The following NCKAP5 variants were observed in gnomAD, a reference collection of about 807,000 sequenced individuals.
NCKAP5 encodes the protein NCK associated protein 5, also known as nck-associated protein 5.
A neutral mutation model predicts 167.0 loss-of-function variants in NCKAP5; 92 were observed. That is an observed-to-expected ratio of 0.55 (90% CI 0.47 to 0.66). The LOEUF (loss-of-function observed/expected upper bound fraction) is 0.66, where lower values mean the gene tolerates loss of function less well. NCKAP5 is among the 30% of genes least tolerant of loss of function. The probability of loss-of-function intolerance (pLI) is 0.00; values close to 1 mark genes in which losing one functional copy is unlikely to be tolerated. For missense variants in NCKAP5, 2,378 were observed against 2,315.0 expected (o/e 1.03, Z -0.56); for synonymous variants, 891 against 877.4 (o/e 1.02, Z -0.27).
At chr2:132,897,310 A>T (rs1693281686) in intron 8 of NCKAP5, among the ~76,000 whole-genome samples, 1 of 152,210 alleles carries the variant, frequency 6.6e-6, no homozygotes, top group Non-Finnish European at 1.5e-5. Flanking sequence ...ACAAACATGG[A>T]TGAAATGTCA....
Position 132,800,550 on chromosome 2 carries a change from C to T in NCKAP5, c.808-3821G>A, listed in dbSNP as rs146049134. Among the ~76,000 whole-genome samples the T allele has an allele frequency of 8.4e-3, 1,276 of 152,248 alleles. 13 individuals carry two copies. The highest frequency in any genetic ancestry group is 0.014 in the Non-Finnish European group (924 of 68,024). ...CTTTTTACTCATATGCTTCCTTTGA[C>T]GGTGACAGTCTAACCCTCCCTGTCA... is the stretch of plus-strand genomic sequence containing the variant. On this transcript the variant is annotated intron_variant, in intron 11 of 19. Coordinates refer to ENST00000409261, the MANE Select transcript of NCKAP5 (RefSeq NM_207363.3).
intron 8 of NCKAP5, among the ~76,000 whole-genome samples, chr2:132,924,145 C>T (rs1481597720): frequency 6.6e-6 from 1 of 152,170 alleles, no homozygotes; most frequent in East Asian, 1.9e-4. Flanking sequence ...TGGGCAGAGG[C>T]TTTTACAGTC....
chr2:133,514,952 T>C (rs908844469), intron 3 of NCKAP5, among the ~76,000 whole-genome samples: 1 of 152,034 alleles, frequency 6.6e-6, no homozygotes, highest in Admixed American at 6.6e-5. Context: ...AAAGCATGCA[T>C]TGGGAATGAA....
At chr2:133,088,967 T>C (rs1392927146) in intron 6 of NCKAP5, among the ~76,000 whole-genome samples, 3 of 152,152 alleles carry the variant, frequency 2.0e-5, no homozygotes, top group African/African-American at 7.2e-5. Context: ...CAGACCAGAC[T>C]TATCTGTATA....
At chr2:132,897,298 A>C (rs1461999326) in intron 8 of NCKAP5, among the ~76,000 whole-genome samples, 2 of 152,228 alleles carry the variant, frequency 1.3e-5, no homozygotes, top group African/African-American at 4.8e-5. Context: ...AGTCTCATTA[A>C]GACAAACATG....
At chr2:133,133,511 A>G (rs889502370) in intron 5 of NCKAP5, among the ~76,000 whole-genome samples, 5 of 152,220 alleles carry the variant, frequency 3.3e-5, no homozygotes, top group African/African-American at 1.2e-4. Flanking sequence ...CTAAGCAGTG[A>G]CATTACATAC....
rs777037544 is a variant in NCKAP5, at chr2:132,782,868, G to T, written c.3943C>A (p.Gln1315Lys). The T allele has an allele frequency of 6.2e-7, 1 of 1,613,938 alleles. No homozygotes were observed. The highest frequency in any genetic ancestry group is 8.5e-7 in the Non-Finnish European group (1 of 1,179,884). ...GGAGAGCTTTCCGTGGAAGAGTTCT[G>T]CCGGGTAAGAGAATTGCCTCTCTCG... is the stretch of plus-strand genomic sequence containing the variant. ...TAERGNSLTR[Q>K]NSSTESSPNK... The change falls in exon 14 of 20, where the codon CAG becomes AAG. Residue 1315 changes from glutamine to lysine, a missense_variant. By Grantham distance (53) the Gln-to-Lys change is moderately conservative. This residue lies in a region of NCKAP5 where 1,325 missense variants were observed against 1,274.5 expected (regional missense o/e 1.04). Transcript: ENST00000409261.
chr2:133,105,880 C>T (rs956531668), intron 6 of NCKAP5, among the ~76,000 whole-genome samples: 5 of 152,118 alleles, frequency 3.3e-5, no homozygotes, highest in African/African-American at 1.2e-4. Context: ...TCTCCCTCTT[C>T]CTAACATGTT....
intron 3 of NCKAP5, among the ~76,000 whole-genome samples, chr2:133,351,679 C>T (rs1460089024): frequency 6.6e-6 from 1 of 152,134 alleles, no homozygotes; most frequent in Non-Finnish European, 1.5e-5. Context: ...GTGCCCCCAC[C>T]CCAGGACTTC....
intron 6 of NCKAP5, among the ~76,000 whole-genome samples, chr2:133,120,396 T>A (rs2082213802): frequency 6.6e-6 from 1 of 152,218 alleles, no homozygotes. Flanking sequence ...TGTTTACAGT[T>A]AGCACTTAGA....
rs372815701 is a variant in NCKAP5, at chr2:132,843,631, A to G, written c.807+16861T>C. 3.3e-5 allele frequency among the ~76,000 whole-genome samples: 5 copies of G among 151,768 alleles called. No individual in the cohort carries two copies. In the East Asian group the frequency reaches 9.7e-4, roughly 29 times the overall value. The stretch of plus-strand genomic sequence containing the variant: ...AAAAACTCCTATTCTCTAACCCAAT[A>G]TGGCAATCTCCAATGGCTTTTGACT... On this transcript the variant is annotated intron_variant, in intron 11 of 19. Coordinates refer to ENST00000409261, the MANE Select transcript of NCKAP5 (RefSeq NM_207363.3).
intron 16 of NCKAP5, among the ~76,000 whole-genome samples, chr2:132,732,501 G>A (rs1691124893): frequency 4.6e-5 from 7 of 152,158 alleles, no homozygotes; most frequent in Admixed American, 4.6e-4. Flanking sequence ...CCAGTGAGGT[G>A]CATGAAGTGG....
At position 132,773,875 on chromosome 2, in the gene NCKAP5, T is replaced by C. The variant is rs1237048214; in HGVS notation, c.5069A>G (p.Asn1690Ser). Reference protein sequence around the residue: ...KDSLVKEANENLQEDEDDAVA... With the variant: ...KDSLVKEANESLQEDEDDAVA... ...TGCATCGTCTTCATCCTCTTGCAAG[T>C]TTTCATTTGCCTCTTTTACCTGCAG... The change falls in exon 16 of 20, where the codon AAC becomes AGC. Residue 1690 changes from asparagine to serine, a missense_variant. Coordinates refer to ENST00000409261, the MANE Select transcript of NCKAP5 (RefSeq NM_207363.3). 1 of 1,610,450 alleles carries C rather than the reference T, an allele frequency of 6.2e-7. No homozygotes were observed. The highest frequency in any genetic ancestry group is 1.7e-5 in the Admixed American group (1 of 59,298).
intron 6 of NCKAP5, among the ~76,000 whole-genome samples, chr2:133,060,063 T>C (rs1350697840): frequency 6.6e-6 from 1 of 152,184 alleles, no homozygotes; most frequent in Admixed American, 6.5e-5. Context: ...AACAATGGGA[T>C]GCCAAGCTTA....
chr2:132,977,501 T>C (rs143459490), intron 7 of NCKAP5, among the ~76,000 whole-genome samples: 178 of 152,256 alleles, frequency 1.2e-3, no homozygotes, highest in African/African-American at 4.1e-3. Flanking sequence ...AATAGTTGTC[T>C]TCCCTAAGAC....
chr2:132,925,096 C>A (rs1483586117), intron 8 of NCKAP5, among the ~76,000 whole-genome samples: 1 of 151,984 alleles, frequency 6.6e-6, no homozygotes, highest in Non-Finnish European at 1.5e-5. Flanking sequence ...CACCAAGGAC[C>A]AGTTTCGTGG....
intron 3 of NCKAP5, among the ~76,000 whole-genome samples, chr2:133,415,586 C>G (rs1025816876): frequency 2.0e-5 from 3 of 152,240 alleles, no homozygotes; most frequent in African/African-American, 7.2e-5. Context: ...GGCTCTGGCT[C>G]TCACTTTGAA....
intron 4 of NCKAP5, among the ~76,000 whole-genome samples, chr2:133,258,745 CA>C (rs199912962): frequency 0.025 from 3,534 of 143,938 alleles, 126 homozygotes; most frequent in African/African-American, 0.088. Context: ...GATCCTGTCT[CA>C]ATTAAAAAAA....
At position 132,672,844 on chromosome 2, in the gene NCKAP5, CTA is replaced by C; in HGVS notation, c.*443_*444del. The C allele has an allele frequency of 2.4e-6, 1 of 421,508 alleles. No individual in the cohort carries two copies. Among genetic ancestry groups the C allele is most frequent in the Non-Finnish European group, 3.2e-6 (1 of 314,280 alleles). 26.1% of individuals were successfully genotyped at this position (421,508 alleles called of 1,614,324 possible). ...CCTCTTGAAACACAATAAATGGAGT[CTA>C]TCTTTATTGCCCTGTCAGAGAAATA... is the stretch of plus-strand genomic sequence containing the variant. On this transcript the variant is annotated 3_prime_UTR_variant, in exon 20 of 20. Coordinates refer to ENST00000409261, the MANE Select transcript of NCKAP5 (RefSeq NM_207363.3).
Sources: allele counts gnomAD v4.1 joint callset (sites outside exome capture counted in the v4.1 genomes callset), GRCh38; gene constraint gnomAD v4.1.1; regional missense constraint gnomAD v4.1.1; transcripts MANE v1.5; gene names NCBI Gene and HGNC (gene_info 2026-07-23, HGNC 2026-07-21).